Variants in SLF2 observed in about 807,000 individuals in gnomAD.
SLF2 encodes SMC5/6 complex localization factor 2.
In SLF2, 68 loss-of-function variants were observed where a neutral mutation model predicts 124.3. The observed-to-expected ratio is 0.55, with a 90% CI of 0.45 to 0.67. The LOEUF is 0.67. SLF2 is among the 30% of genes least tolerant of loss of function. The probability of loss-of-function intolerance (pLI) is 0.00; values close to 1 mark genes in which losing one functional copy is unlikely to be tolerated. For missense variants in SLF2, 1,246 were observed against 1,373.7 expected, an observed-to-expected ratio of 0.91 and a Z score of 1.47; for synonymous variants, 480 against 478.8, an observed-to-expected ratio of 1.00 and a Z score of -0.03.
At position 100,924,389 on chromosome 10, in the gene SLF2, G is replaced by T. The variant is rs1849572996; in HGVS notation, c.1388G>T (p.Ser463Ile). 6.2e-7 allele frequency: 1 copy of T among 1,613,982 alleles called. No individual in the cohort carries two copies. The highest frequency in any genetic ancestry group is 8.5e-7 in the Non-Finnish European group (1 of 1,180,038). ...AACCTTCAGAAAAATAAAACCGCTA[G>T]CTCCACGACAAAGGAGAAGGAGACA... The part of the protein sequence containing the change: ...ASNLQKNKTA[S>I]STTKEKETKL... Residue 463 changes from serine to isoleucine, a missense_variant, in exon 5 of 20, where the codon AGC becomes ATC. By Grantham distance (142) the Ser-to-Ile change is moderately radical. Coordinates refer to ENST00000238961, the MANE Select transcript of SLF2 (RefSeq NM_018121.4).
rs1461296051 is a variant in SLF2 at position 100,924,586 on chromosome 10, A to G, written c.1585A>G (p.Asn529Asp). The G allele has an allele frequency of 6.2e-7, 1 of 1,613,972 alleles. No homozygotes were observed. Among genetic ancestry groups the G allele is most frequent in the African/African-American group, 1.3e-5 (1 of 74,910 alleles). The change falls in exon 5 of 20, where the codon AAT becomes GAT. Residue 529 changes from asparagine to aspartate, a missense_variant. Asn to Asp is a conservative substitution (Grantham distance 23). Transcript: ENST00000238961. ...ACACAAGGAACACAAAGCAAAGACT[A>G]ATAAGGCCGATTCTAATGTATCTTC... ...TKHKEHKAKT[N>D]KADSNVSSGK...
At chr10:100,937,737 T>C (rs968893954) in intron 10 of SLF2, among the ~76,000 whole-genome samples, 3 of 152,062 alleles carry the variant, frequency 2.0e-5, no homozygotes, top group African/African-American at 7.2e-5. Context: ...GCCTCCCAAG[T>C]AGCTGGGCCT....
chr10:100,940,931 G>A (rs1225874382), intron 11 of SLF2, among the ~76,000 whole-genome samples: 1 of 150,942 alleles, frequency 6.6e-6, no homozygotes, highest in South Asian at 2.1e-4. Flanking sequence ...GAACTCCTGA[G>A]TTCAAGTGGC....
intron 9 of SLF2, among the ~76,000 whole-genome samples, chr10:100,936,436 C>A (rs1412118330): frequency 1.3e-5 from 2 of 152,022 alleles, no homozygotes; most frequent in African/African-American, 4.8e-5. Flanking sequence ...CGGGTTCACA[C>A]CATTCCCCTG....
At chr10:100,959,155 A>G (rs1850383856) in intron 18 of SLF2, among the ~76,000 whole-genome samples, 1 of 152,196 alleles carries the variant, frequency 6.6e-6, no homozygotes, top group Non-Finnish European at 1.5e-5. Context: ...AAGGCAGAGA[A>G]TGTGTTTTTG....
chr10:100,928,557 T>G (rs976385769), intron 6 of SLF2, among the ~76,000 whole-genome samples: 2 of 152,206 alleles, frequency 1.3e-5, no homozygotes, highest in African/African-American at 4.8e-5. Context: ...TATTTACTCC[T>G]CAGCTGTACT....
intron 9 of SLF2, among the ~76,000 whole-genome samples, chr10:100,931,293 G>T (rs928674988): frequency 1.3e-5 from 2 of 152,190 alleles, no homozygotes; most frequent in Admixed American, 1.3e-4. Flanking sequence ...AGTGTTAGTT[G>T]TGCCTGAACC....
Position 100,943,808 on chromosome 10 carries a change from A to G in SLF2, c.2655-218A>G, listed in dbSNP as rs775076457. On this transcript the variant is annotated intron_variant, in intron 11 of 19. Transcript: ENST00000238961. ...GCAGATTGACTTGGATTTGGCATAAAGAGACTTTTGAGGGGAATGGAAATG... is the reference window on the plus strand; with the variant it reads ...GCAGATTGACTTGGATTTGGCATAAGGAGACTTTTGAGGGGAATGGAAATG... 155 of 410,262 alleles carry G rather than the reference A, an allele frequency of 3.8e-4. 1 individual carries two copies. The highest frequency in any genetic ancestry group is 1.0e-4 in the Non-Finnish European group (24 of 230,714). The allele number at this position is 410,262 out of a possible 1,614,324, so 25.4% of individuals were successfully genotyped here.
At chr10:100,914,860 A>T (rs1434371059) in intron 1 of SLF2, among the ~76,000 whole-genome samples, 2 of 152,208 alleles carry the variant, frequency 1.3e-5, no homozygotes, top group Non-Finnish European at 2.9e-5. Flanking sequence ...CCTTCAAGAA[A>T]CTTGGATTGT....
intron 1 of SLF2, among the ~76,000 whole-genome samples, chr10:100,915,334 G>T (rs1177990502): frequency 1.3e-5 from 2 of 152,046 alleles, no homozygotes; most frequent in African/African-American, 4.8e-5. Flanking sequence ...CTGTTACTTA[G>T]ATTAACATCT....
intron 5 of SLF2, 92 bp downstream of exon 5, chr10:100,925,064 T>C: frequency 8.0e-7 from 1 of 1,257,346 alleles, no homozygotes. Context: ...CTTTAAAATT[T>C]AGTATTTATT....
chr10:100,923,949 C>T, intron 4 of SLF2, 26 bp from the exon 5 acceptor site: 2 of 1,472,270 alleles, frequency 1.4e-6, no homozygotes, highest in African/African-American at 1.4e-5. Flanking sequence ...ATATTTTTCA[C>T]TAATCTAACA....
Position 100,918,437 on chromosome 10 carries a change from T to C in SLF2, c.969T>C (p.Thr323=), listed in dbSNP as rs1477761160. 1.9e-6 allele frequency: 3 copies of C among 1,574,764 alleles called. No homozygotes were observed. Among genetic ancestry groups the C allele is most frequent in the Non-Finnish European group, 1.7e-6 (2 of 1,160,754 alleles). ...KRSSSDSWEP[T]SAGSKQNKFP... ...CCTCTTCTGATTCATGGGAACCTAC[T>C]TCAGGTAGAATCAAAATTAAATTTA... The change falls in exon 4 of 20, where the codon ACT becomes ACC. Residue 323 remains threonine (T), a synonymous_variant. Coordinates refer to ENST00000238961, the MANE Select transcript of SLF2 (RefSeq NM_018121.4).
intron 9 of SLF2, among the ~76,000 whole-genome samples, chr10:100,935,392 C>T (rs1849825871): frequency 6.7e-6 from 1 of 149,228 alleles, no homozygotes; most frequent in East Asian, 1.9e-4. Context: ...GAGATTCTGT[C>T]CCAAAAAAAA....
rs1185094643 is a variant in SLF2 at position 100,963,284 on chromosome 10, T to C, written c.*1372T>C. On this transcript the variant is annotated 3_prime_UTR_variant, in exon 20 of 20. Coordinates refer to ENST00000238961, the MANE Select transcript of SLF2 (RefSeq NM_018121.4). ...GGAGTAAAAAGCATTTTGTCCTAAA[T>C]TTATCATTTAAAATAGCATCAGTAA... The C allele has an allele frequency of 6.6e-6, 1 of 152,610 alleles. No homozygotes were observed. The highest frequency in any genetic ancestry group is 6.5e-5 in the Admixed American group (1 of 15,270). 9.5% of individuals were successfully genotyped at this position (152,610 alleles called of 1,614,324 possible).
intron 19 of SLF2, among the ~76,000 whole-genome samples, chr10:100,960,026 C>T (rs767933781): frequency 6.6e-6 from 1 of 152,196 alleles, no homozygotes; most frequent in Non-Finnish European, 1.5e-5. Context: ...CTATTCTGGA[C>T]ATCGGTAAAT....
intron 4 of SLF2, among the ~76,000 whole-genome samples, chr10:100,923,721 A>G (rs1849559894): frequency 6.6e-6 from 1 of 152,060 alleles, no homozygotes; most frequent in Non-Finnish European, 1.5e-5. Context: ...TGGCATCTTT[A>G]ATTCTGTTAA....
chr10:100,948,375 C>T (rs1269161100), intron 15 of SLF2, among the ~76,000 whole-genome samples: 2 of 152,136 alleles, frequency 1.3e-5, no homozygotes, highest in Admixed American at 6.6e-5. Flanking sequence ...ACACACCTAT[C>T]GTCCCAGCTA....
intron 13 of SLF2, among the ~76,000 whole-genome samples, chr10:100,946,482 C>T (rs1422847826): frequency 6.6e-6 from 1 of 151,924 alleles, no homozygotes; most frequent in Non-Finnish European, 1.5e-5. Flanking sequence ...ACATGCCACT[C>T]CGCCCAGCTA....
Sources: gnomAD v4.1 joint callset for allele counts (sites outside exome capture counted in the v4.1 genomes callset) on GRCh38, gnomAD v4.1.1 for gene constraint, MANE v1.5 for transcripts, NCBI Gene and HGNC (gene_info 2026-07-23, HGNC 2026-07-21) for gene names.